MAP4: variants seen among roughly 807,000 people sequenced by gnomAD.
MAP4 encodes the protein microtubule-associated protein 4.
Under a neutral mutation model 170.2 loss-of-function variants are expected in MAP4, and 76 were observed. That is an observed-to-expected ratio of 0.45 (90% confidence interval 0.37 to 0.54). MAP4 has a LOEUF of 0.54. Among genes scored for constraint, MAP4 ranks in the 20% least tolerant of loss-of-function variants. The probability of loss-of-function intolerance (pLI) is 0.00; values close to 1 mark genes in which losing one functional copy is unlikely to be tolerated. For missense variants in MAP4, 2,506 were observed against 2,748.0 expected (o/e 0.91, Z 1.97); for synonymous variants, 909 against 994.5 (o/e 0.91, Z 1.62).
Position 47,918,754 on chromosome 3 carries a change from G to C in MAP4, c.617C>G (p.Pro206Arg). Residue 206 changes from proline (P) to arginine (R), a missense_variant, in exon 6 of 21, where the codon CCA (proline) becomes CGA (arginine). Pro to Arg is a moderately radical substitution (Grantham distance 103). Coordinates refer to ENST00000683076, the MANE Select transcript of MAP4 (RefSeq NM_001385682.1). ...CTGAGGAGGTTCTGCAACAGCCTCT[G>C]GGGAAACAAAGGACTCTGAGTGTGG... ...NSPHSESFVSPEAVAEPPQPT... is the reference protein window; with the variant it reads ...NSPHSESFVSREAVAEPPQPT... The C allele has an allele frequency of 6.2e-7, 1 of 1,611,014 alleles. No individual in the cohort carries two copies. Among genetic ancestry groups the C allele is most frequent in the Non-Finnish European group, 8.5e-7 (1 of 1,177,312 alleles).
At chr3:47,955,908 G>A (rs528840909) in intron 3 of MAP4, among the ~76,000 whole-genome samples, 6 of 152,278 alleles carry the variant, frequency 3.9e-5, no homozygotes, top group South Asian at 2.1e-4. Flanking sequence ...GATGCTGAAT[G>A]GAGCCTTTAG....
At chr3:47,901,686 A>G (rs1272592262) in intron 10 of MAP4, among the ~76,000 whole-genome samples, 1 of 151,796 alleles carries the variant, frequency 6.6e-6, no homozygotes, top group East Asian at 1.9e-4. Context: ...AAAAAAAAAA[A>G]GAATGGAAGC....
chr3:48,077,720 T>C (rs190830072), intron 1 of MAP4, among the ~76,000 whole-genome samples: 1 of 152,294 alleles, frequency 6.6e-6, no homozygotes, highest in Non-Finnish European at 1.5e-5. Flanking sequence ...CAAAAATAAA[T>C]GTCCATATAA....
At chr3:48,023,999 T>C (rs2100111827) in intron 1 of MAP4, among the ~76,000 whole-genome samples, 1 of 152,132 alleles carries the variant, frequency 6.6e-6, no homozygotes, top group Non-Finnish European at 1.5e-5. Flanking sequence ...CAGGAGAAAG[T>C]ATTTGGGTGT....
At chr3:47,967,929 T>G (rs1036634328) in intron 3 of MAP4, among the ~76,000 whole-genome samples, 1 of 152,152 alleles carries the variant, frequency 6.6e-6, no homozygotes, top group African/African-American at 2.4e-5. Context: ...CACTCCAGCC[T>G]GGGTGACAGA....
chr3:48,066,173 A>C (rs2100138168), intron 1 of MAP4, among the ~76,000 whole-genome samples: 1 of 152,178 alleles, frequency 6.6e-6, no homozygotes, highest in South Asian at 2.1e-4. Flanking sequence ...ATACTCATGA[A>C]ATTAAGAACC....
intron 9 of MAP4, among the ~76,000 whole-genome samples, chr3:47,905,742 C>T (rs1447583390): frequency 6.6e-6 from 1 of 151,522 alleles, no homozygotes; most frequent in Non-Finnish European, 1.5e-5. Context: ...GCCTGTAATC[C>T]CAGCACTTTG....
At chr3:47,887,593 G>A (rs953431844) in intron 10 of MAP4, among the ~76,000 whole-genome samples, 9 of 152,224 alleles carry the variant, frequency 5.9e-5, no homozygotes, top group Admixed American at 3.3e-4. Context: ...GAATGCGAAC[G>A]CACCACGGCG....
At chr3:47,882,663 C>T (rs1197778654) in intron 10 of MAP4, among the ~76,000 whole-genome samples, 1 of 152,088 alleles carries the variant, frequency 6.6e-6, no homozygotes, top group Non-Finnish European at 1.5e-5. Flanking sequence ...TGGTCTCAAA[C>T]TCTGGGCTCA....
At chr3:48,038,491 CA>C (rs2100119983) in intron 1 of MAP4, among the ~76,000 whole-genome samples, 1 of 148,528 alleles carries the variant, frequency 6.7e-6, no homozygotes. Flanking sequence ...GATGGAGTCC[CA>C]CTCTGTTGCC....
chr3:48,019,655 C>G (rs1249474509), upstream of MAP4, among the ~76,000 whole-genome samples: 1 of 152,158 alleles, frequency 6.6e-6, no homozygotes. Context: ...AAGGCTGAGG[C>G]AGGAAAACTG....
At chr3:48,027,872 C>A (rs564903916) in intron 1 of MAP4, among the ~76,000 whole-genome samples, 1 of 152,302 alleles carries the variant, frequency 6.6e-6, no homozygotes, top group Non-Finnish European at 1.5e-5. Flanking sequence ...CAGGCCATGA[C>A]TATGTATTTC....
At chr3:47,994,066 C>A (rs2100093934) in intron 2 of MAP4, among the ~76,000 whole-genome samples, 1 of 152,134 alleles carries the variant, frequency 6.6e-6, no homozygotes, top group Admixed American at 6.5e-5. Flanking sequence ...TTAAAAAAAT[C>A]TTTGGTAGCA....
chr3:48,055,852 C>T (rs1579627064), intron 1 of MAP4, among the ~76,000 whole-genome samples: 2 of 133,964 alleles, frequency 1.5e-5, no homozygotes, highest in African/African-American at 2.7e-5. Context: ...GCCTCTGCCC[C>T]GCCGCCCCAT....
At chr3:47,974,079 T>C (rs1019007230) in intron 3 of MAP4, 8 of 985,264 alleles carry the variant, frequency 8.1e-6, no homozygotes, top group South Asian at 9.4e-5. Flanking sequence ...TAAACTTTCA[T>C]GATATTCTAA....
intron 10 of MAP4, among the ~76,000 whole-genome samples, chr3:47,896,217 C>T (rs1485814607): frequency 6.6e-6 from 1 of 152,168 alleles, no homozygotes; most frequent in Non-Finnish European, 1.5e-5. Context: ...AATGTATCTA[C>T]TGATGCTAGC....
rs528376609 is a variant in MAP4, at chr3:47,973,473, G to A, written c.292+4392C>T. On this transcript the variant is annotated intron_variant, in intron 3 of 20. Transcript: ENST00000683076. ...AAATTTCTTTCTTTCAAAATGAAAC[G>A]TCCAAGTGAAACAGATAGAGCTAAC... 1.8e-5 allele frequency: 18 copies of A among 984,936 alleles called. No individual in the cohort carries two copies. The East Asian group carries it at 5.7e-4, about 31-fold the overall frequency. The allele number at this position is 984,936 out of a possible 1,614,324, so 61.0% of individuals were successfully genotyped here.
At position 47,875,769 on chromosome 3, in the gene MAP4, G is replaced by A. The variant is rs758168813; in HGVS notation, c.5673C>T (p.Gly1891=). ...LNKKPMSLAS[G]LVPAAPPKRP... ...GTTTGGGTGGGGCAGCTGGCACTAAGCCTGAAGCAAGGCTCATGGGTTTTT... is the reference window on the plus strand; with the variant it reads ...GTTTGGGTGGGGCAGCTGGCACTAAACCTGAAGCAAGGCTCATGGGTTTTT... Residue 1891 remains glycine (G), a synonymous_variant, in exon 12 of 21, where the codon GGC becomes GGT. Transcript: ENST00000683076. The A allele has an allele frequency of 2.5e-6, 4 of 1,614,154 alleles. No individual in the cohort carries two copies. Among genetic ancestry groups the A allele is most frequent in the South Asian group, 2.2e-5 (2 of 91,076 alleles).
chr3:48,036,512 CTTCT>C (rs376242906), intron 1 of MAP4, among the ~76,000 whole-genome samples: 9 of 152,224 alleles, frequency 5.9e-5, no homozygotes, highest in African/African-American at 2.2e-4. Context: ...ATGAATGTGC[CTTCT>C]GTCTTCGTAG....
Sources: gnomAD v4.1 joint callset for allele counts (sites outside exome capture counted in the v4.1 genomes callset) on GRCh38, gnomAD v4.1.1 for gene constraint, MANE v1.5 for transcripts, NCBI Gene and HGNC (gene_info 2026-07-23, HGNC 2026-07-21) for gene names.